Variants in SLC44A5 observed in about 807,000 individuals in gnomAD.
The protein encoded by SLC44A5 is solute carrier family 44 member 5.
In SLC44A5, 57 loss-of-function variants were observed where a neutral mutation model predicts 101.8. The observed-to-expected ratio is 0.56, with a 90% CI of 0.45 to 0.70. The LOEUF (loss-of-function observed/expected upper bound fraction) is 0.70. Among genes scored for constraint, SLC44A5 ranks in the 30% least tolerant of loss-of-function variants. The pLI, the probability that SLC44A5 is intolerant of heterozygous loss-of-function variation, is 0.00. For missense variants in SLC44A5, 737 were observed against 853.1 expected (o/e 0.86, Z 1.70); for synonymous variants, 281 against 290.9 (o/e 0.97, Z 0.35).
chr1:75,577,150 CT>C (rs933850127), intron 1 of SLC44A5, among the ~76,000 whole-genome samples: 1 of 152,212 alleles, frequency 6.6e-6, no homozygotes, highest in African/African-American at 2.4e-5. Flanking sequence ...CACTCCACCC[CT>C]ACCCTGATCC....
At chr1:75,508,109 A>G (rs1557858578) in intron 2 of SLC44A5, among the ~76,000 whole-genome samples, 1 of 152,172 alleles carries the variant, frequency 6.6e-6, no homozygotes, top group African/African-American at 2.4e-5. Flanking sequence ...AATTGACCAC[A>G]TGCTCAGCCA....
the SLC44A5 span, among the ~76,000 whole-genome samples, chr1:75,662,251 TA>T: frequency 6.6e-6 from 1 of 152,062 alleles, no homozygotes; most frequent in African/African-American, 2.4e-5. Flanking sequence ...AGATAGGCAC[TA>T]AAAGACACAT....
chr1:75,525,882 C>T (rs891970173), intron 2 of SLC44A5, among the ~76,000 whole-genome samples: 3 of 152,084 alleles, frequency 2.0e-5, no homozygotes, highest in Non-Finnish European at 2.9e-5. Flanking sequence ...CATGAATAAC[C>T]GCTGAACGAA....
chr1:75,570,150 C>A (rs1461832800), intron 1 of SLC44A5, among the ~76,000 whole-genome samples: 2 of 152,224 alleles, frequency 1.3e-5, no homozygotes, highest in Non-Finnish European at 2.9e-5. Flanking sequence ...GTAGAGCAAG[C>A]TCTACATCCA....
At chr1:75,620,535 G>C in the SLC44A5 span, among the ~76,000 whole-genome samples, 1,448 of 152,218 alleles carry the variant, frequency 9.5e-3, 18 homozygotes, top group African/African-American at 0.033. Context: ...ACTGGCGTGA[G>C]CTGGTATCTC....
chr1:75,442,767 T>G (rs938012094), intron 2 of SLC44A5, among the ~76,000 whole-genome samples: 1 of 152,124 alleles, frequency 6.6e-6, no homozygotes, highest in Non-Finnish European at 1.5e-5. Context: ...AAAACCCTAT[T>G]GCAATAATCC....
chr1:75,679,621 A>G, the SLC44A5 span, among the ~76,000 whole-genome samples: 2 of 152,080 alleles, frequency 1.3e-5, no homozygotes, highest in Admixed American at 1.3e-4. Flanking sequence ...AGCGCTAAAC[A>G]TGGAAAGGAA....
chr1:75,558,567 T>C (rs1043980277), intron 1 of SLC44A5, among the ~76,000 whole-genome samples: 1 of 152,094 alleles, frequency 6.6e-6, no homozygotes, highest in African/African-American at 2.4e-5. Context: ...GTAGGTTGGT[T>C]AGCTGCTTTT....
chr1:75,424,487 G>A (rs2101572919), intron 2 of SLC44A5, among the ~76,000 whole-genome samples: 1 of 152,168 alleles, frequency 6.6e-6, no homozygotes, highest in African/African-American at 2.4e-5. Flanking sequence ...TCTATTTTTA[G>A]TAGAGCCAGG....
chr1:75,383,282 G>C (rs1449914588), intron 3 of SLC44A5, among the ~76,000 whole-genome samples: 8 of 130,226 alleles, frequency 6.1e-5, no homozygotes, highest in Non-Finnish European at 1.1e-4. Flanking sequence ...CACAAATGAT[G>C]AATAAATACT....
chr1:75,677,640 A>G, the SLC44A5 span: 1 of 382,356 alleles, frequency 2.6e-6, no homozygotes, highest in South Asian at 1.9e-5. Flanking sequence ...ATTATCAATA[A>G]TAACTGAAAG....
intron 1 of SLC44A5, among the ~76,000 whole-genome samples, chr1:75,579,149 A>G (rs1673538294): frequency 6.6e-6 from 1 of 152,222 alleles, no homozygotes; most frequent in Non-Finnish European, 1.5e-5. Flanking sequence ...ACTCTGAACT[A>G]TGACCATTAA....
At chr1:75,242,561 T>C (rs1374932656) in intron 8 of SLC44A5, among the ~76,000 whole-genome samples, 1 of 152,058 alleles carries the variant, frequency 6.6e-6, no homozygotes, top group Non-Finnish European at 1.5e-5. Context: ...ATCACCACAT[T>C]AACGAAATGG....
intron 1 of SLC44A5, among the ~76,000 whole-genome samples, chr1:75,554,032 C>T (rs1003126209): frequency 6.6e-6 from 1 of 152,130 alleles, no homozygotes; most frequent in Non-Finnish European, 1.5e-5. Context: ...AGAGTTGAGG[C>T]CAACGAAATT....
intron 11 of SLC44A5, among the ~76,000 whole-genome samples, chr1:75,234,608 G>A (rs769939769): frequency 6.6e-6 from 1 of 152,010 alleles, no homozygotes; most frequent in Non-Finnish European, 1.5e-5. Flanking sequence ...AGCCCATAAT[G>A]CTGTAGTCAT....
chr1:75,711,347 T>A, the SLC44A5 span, among the ~76,000 whole-genome samples: 13 of 152,236 alleles, frequency 8.5e-5, no homozygotes, highest in Middle Eastern at 6.8e-3. Flanking sequence ...GTAGACTCAC[T>A]TTATGCTGAA....
At chr1:75,279,382 C>G (rs1442820541) in intron 5 of SLC44A5, among the ~76,000 whole-genome samples, 1 of 152,046 alleles carries the variant, frequency 6.6e-6, no homozygotes, top group South Asian at 2.1e-4. Context: ...TAGGAGTAAG[C>G]CACCTTGAAG....
At chr1:75,427,762 T>C (rs1664395460) in intron 2 of SLC44A5, among the ~76,000 whole-genome samples, 1 of 152,238 alleles carries the variant, frequency 6.6e-6, no homozygotes, top group African/African-American at 2.4e-5. Flanking sequence ...TTAGATATTT[T>C]ACACATAAAA....
At chr1:75,601,205 T>C (rs992080922) in intron 1 of SLC44A5, among the ~76,000 whole-genome samples, 3 of 152,102 alleles carry the variant, frequency 2.0e-5, no homozygotes, top group African/African-American at 7.2e-5. Flanking sequence ...ATAACATCCC[T>C]TGAGTTCATG....
Sources: allele counts gnomAD v4.1 joint callset (sites outside exome capture counted in the v4.1 genomes callset), GRCh38; gene constraint gnomAD v4.1.1; transcripts MANE v1.5; gene names NCBI Gene and HGNC (gene_info 2026-07-23, HGNC 2026-07-21).